Variants in KCNQ3 observed in about 807,000 individuals in gnomAD.
The protein encoded by KCNQ3 is potassium voltage-gated channel subfamily Q member 3.
In KCNQ3, 30 loss-of-function variants were observed where a neutral mutation model predicts 92.5. The observed-to-expected ratio is 0.32, with a 90% CI of 0.24 to 0.44. The LOEUF (loss-of-function observed/expected upper bound fraction) is 0.44. KCNQ3 is among the 20% of genes least tolerant of loss of function. The pLI is 1.00. For missense variants in KCNQ3, 913 were observed against 1,140.3 expected, an observed-to-expected ratio of 0.80 and a Z score of 2.87; for synonymous variants, 450 against 468.8, an observed-to-expected ratio of 0.96 and a Z score of 0.52.
intron 1 of KCNQ3, among the ~76,000 whole-genome samples, chr8:132,471,094 G>A (rs1822289805): frequency 6.6e-6 from 1 of 152,116 alleles, no homozygotes; most frequent in Non-Finnish European, 1.5e-5. Context: ...GCATGCCAAG[G>A]TTTGAGAGGC....
intron 7 of KCNQ3, among the ~76,000 whole-genome samples, chr8:132,170,967 C>T (rs572884371): frequency 1.3e-4 from 20 of 151,954 alleles, no homozygotes; most frequent in Middle Eastern, 3.4e-3. Flanking sequence ...TGCAGTGAGC[C>T]GTGATCGCAC....
At chr8:132,466,872 A>G (rs554370994) in intron 1 of KCNQ3, among the ~76,000 whole-genome samples, 26 of 152,324 alleles carry the variant, frequency 1.7e-4, no homozygotes, top group African/African-American at 6.0e-4. Context: ...CAATTGGGGA[A>G]AAACGTCTCT....
Position 132,141,351 on chromosome 8 carries a change from G to T in KCNQ3, c.1263-20C>A. 1 of 1,611,234 alleles carries T rather than the reference G, an allele frequency of 6.2e-7. No homozygotes were observed. The highest frequency in any genetic ancestry group is 8.5e-7 in the Non-Finnish European group (1 of 1,177,938). On this transcript the variant is annotated intron_variant, in intron 9 of 14. Coordinates refer to ENST00000388996, the MANE Select transcript of KCNQ3 (RefSeq NM_004519.4). The stretch of plus-strand genomic sequence containing the variant: ...TTTTGGCTACAAAATAAGCAAAAGT[G>T]AACAATTTTCCTCCTTCAGTGCAGG...
intron 1 of KCNQ3, among the ~76,000 whole-genome samples, chr8:132,468,107 T>C (rs1024772079): frequency 1.3e-5 from 2 of 152,238 alleles, no homozygotes; most frequent in South Asian, 4.1e-4. Context: ...TAACTGCTGA[T>C]TAGTGTGATT....
At chr8:132,330,355 T>C (rs1818194096) in intron 1 of KCNQ3, among the ~76,000 whole-genome samples, 1 of 152,234 alleles carries the variant, frequency 6.6e-6, no homozygotes, top group Admixed American at 6.5e-5. Context: ...ATTATGGCCA[T>C]CTCAGGGAAT....
intron 1 of KCNQ3, among the ~76,000 whole-genome samples, chr8:132,424,678 C>T (rs865807752): frequency 6.6e-6 from 1 of 152,194 alleles, no homozygotes; most frequent in South Asian, 2.1e-4. Flanking sequence ...AGGCAGAGGT[C>T]TGCCATCAAG....
At chr8:132,211,756 G>T (rs1187652292) in intron 1 of KCNQ3, among the ~76,000 whole-genome samples, 1 of 151,906 alleles carries the variant, frequency 6.6e-6, no homozygotes, top group Non-Finnish European at 1.5e-5. Flanking sequence ...TTTGAGACCA[G>T]CCTGACCAAC....
intron 1 of KCNQ3, among the ~76,000 whole-genome samples, chr8:132,473,617 T>A (rs766157098): frequency 7.9e-5 from 12 of 152,202 alleles, no homozygotes; most frequent in Non-Finnish European, 1.6e-4. Flanking sequence ...GAATGCTTCT[T>A]CCATGTAAAG....
intron 1 of KCNQ3, among the ~76,000 whole-genome samples, chr8:132,452,928 A>C (rs926194286): frequency 1.1e-4 from 17 of 152,226 alleles, no homozygotes; most frequent in African/African-American, 3.6e-4. Flanking sequence ...AAGGGAGACA[A>C]ATCAGTAAAT....
intron 3 of KCNQ3, among the ~76,000 whole-genome samples, chr8:132,183,207 C>T (rs766060341): frequency 2.6e-5 from 4 of 152,206 alleles, no homozygotes; most frequent in Admixed American, 6.5e-5. Context: ...GCTGAGAATG[C>T]GTGATGTAAG....
At chr8:132,315,140 T>C (rs1320928169) in intron 1 of KCNQ3, among the ~76,000 whole-genome samples, 1 of 152,106 alleles carries the variant, frequency 6.6e-6, no homozygotes, top group African/African-American at 2.4e-5. Context: ...GGAAGAGAAG[T>C]GGGAGAAATG....
At chr8:132,187,770 AGTGATAGTGATGGTGGTGGCGGTGGTG>A (rs1563795549) in intron 1 of KCNQ3, among the ~76,000 whole-genome samples, 36 of 91,184 alleles carry the variant, frequency 3.9e-4, no homozygotes, top group Non-Finnish European at 4.0e-4. Flanking sequence ...TGATGGTGGT[AGTGATAGTGATGGTGGTGGCGGTGGTG>A]GTGATAGTGA....
chr8:132,124,809 G>T lies in KCNQ3; in HGVS notation c.*4453C>A, dbSNP rs1283706246. 1 of 152,176 alleles carries T rather than the reference G, an allele frequency of 6.6e-6. No homozygotes were observed. The highest frequency in any genetic ancestry group is 2.4e-5 in the African/African-American group (1 of 41,442). The allele number at this position is 152,176 out of a possible 1,614,324, so 9.4% of individuals were successfully genotyped here. On this transcript the variant is annotated 3_prime_UTR_variant, in exon 15 of 15. Transcript: ENST00000388996. ...TTCAGGAAGCAAAGAAGAATCTTTG[G>T]TTATTCATGAAAACCAAATACCAGC...
chr8:132,363,446 GT>G (rs1386993784), intron 1 of KCNQ3, among the ~76,000 whole-genome samples: 6 of 152,234 alleles, frequency 3.9e-5, no homozygotes, highest in Admixed American at 3.9e-4. Flanking sequence ...GCCAGGTGGT[GT>G]GGCAAAGGAG....
At chr8:132,198,639 T>C (rs1827373408) in intron 1 of KCNQ3, among the ~76,000 whole-genome samples, 1 of 152,066 alleles carries the variant, frequency 6.6e-6, no homozygotes, top group Non-Finnish European at 1.5e-5. Context: ...AAACCTCATC[T>C]CTACTAAACA....
At chr8:132,428,944 C>T (rs1007628891) in intron 1 of KCNQ3, among the ~76,000 whole-genome samples, 1 of 152,144 alleles carries the variant, frequency 6.6e-6, no homozygotes, top group Non-Finnish European at 1.5e-5. Context: ...AGAAGGGACA[C>T]CTGAGGGAGG....
At chr8:132,197,657 C>T (rs1827336679) in intron 1 of KCNQ3, among the ~76,000 whole-genome samples, 1 of 152,132 alleles carries the variant, frequency 6.6e-6, no homozygotes, top group African/African-American at 2.4e-5. Context: ...ATCCTGGATG[C>T]TAAGGTCAAT....
chr8:132,372,223 T>C (rs534900541), intron 1 of KCNQ3, among the ~76,000 whole-genome samples: 1 of 152,252 alleles, frequency 6.6e-6, no homozygotes, highest in East Asian at 1.9e-4. Context: ...AATTCTGAGT[T>C]CCCTTTCTTG....
chr8:132,195,115 G>T (rs1039406169), intron 1 of KCNQ3, among the ~76,000 whole-genome samples: 3 of 151,724 alleles, frequency 2.0e-5, no homozygotes, highest in African/African-American at 7.3e-5. Flanking sequence ...CTTCTCTTTT[G>T]AGAGTTGACC....
Sources: allele counts gnomAD v4.1 joint callset (sites outside exome capture counted in the v4.1 genomes callset), GRCh38; gene constraint gnomAD v4.1.1; transcripts MANE v1.5; gene names NCBI Gene and HGNC (gene_info 2026-07-23, HGNC 2026-07-21).